NBAS: variants seen among roughly 807,000 people sequenced by gnomAD.
NBAS encodes NBAS subunit of NRZ tethering complex.
A neutral mutation model predicts 302.5 loss-of-function variants in NBAS; 219 were observed. The ratio of observed to expected loss-of-function variants is 0.72; its 90% CI spans 0.65 to 0.81. The LOEUF is 0.81. Ranked by LOEUF, NBAS falls within the 30% of genes least tolerant of loss-of-function variation. NBAS has a pLI of 0.00. For synonymous variants in NBAS, 1,118 were observed against 1,021.6 expected, an observed-to-expected ratio of 1.09 and a Z score of -1.80; for missense variants, 2,932 against 2,841.6, an observed-to-expected ratio of 1.03 and a Z score of -0.72.
In NBAS at chr2:15,342,055, G is replaced by A. The variant is rs185904835; in HGVS notation, c.4179+9937C>T. Among the ~76,000 whole-genome samples the A allele has an allele frequency of 2.7e-3, 418 of 152,106 alleles. 1 individual carries two copies. The highest frequency in any genetic ancestry group is 9.3e-3 in the African/African-American group (385 of 41,504). On this transcript the variant is annotated intron_variant, in intron 35 of 51. Coordinates refer to ENST00000281513, the MANE Select transcript of NBAS (RefSeq NM_015909.4). ...TTCCAGTGATGTGCTGGTATCAACAGTAAACAAAACAAAGTGAGCATTTAC... is the reference window on the plus strand; with the variant it reads ...TTCCAGTGATGTGCTGGTATCAACAATAAACAAAACAAAGTGAGCATTTAC...
intron 14 of NBAS, among the ~76,000 whole-genome samples, chr2:15,474,549 T>TTCTTCTTCTTC (rs1558372889): frequency 1.4e-5 from 2 of 147,846 alleles, no homozygotes; most frequent in African/African-American, 5.0e-5. Context: ...AGCCTGTTTT[T>TTCTTCTTCTTC]TTCTTCTTCT....
At chr2:15,125,077 G>A in the NBAS span, among the ~76,000 whole-genome samples, 20,774 of 152,116 alleles carry the variant, frequency 0.14, 2,691 homozygotes, top group African/African-American at 0.33. Context: ...AAAGCTGCAG[G>A]CACTCAACTC....
the NBAS span, among the ~76,000 whole-genome samples, chr2:15,019,782 G>A: frequency 4.0e-5 from 6 of 150,426 alleles, no homozygotes; most frequent in African/African-American, 1.5e-4. Flanking sequence ...GAACTAGCAG[G>A]TTCTCCTTCC....
intron 44 of NBAS, among the ~76,000 whole-genome samples, chr2:15,272,683 C>T (rs1558492791): frequency 6.6e-6 from 1 of 152,136 alleles, no homozygotes; most frequent in East Asian, 1.9e-4. Context: ...CTCTTGAGAA[C>T]AGTTTACAAT....
At chr2:15,328,772 G>T (rs776860004) in intron 36 of NBAS, among the ~76,000 whole-genome samples, 1 of 152,148 alleles carries the variant, frequency 6.6e-6, no homozygotes, top group Non-Finnish European at 1.5e-5. Flanking sequence ...ATCATTTGAG[G>T]TTGTTAAATG....
intron 11 of NBAS, among the ~76,000 whole-genome samples, chr2:15,502,866 T>C (rs1351939815): frequency 2.0e-5 from 3 of 152,258 alleles, no homozygotes; most frequent in Admixed American, 2.0e-4. Flanking sequence ...TTTTTTACTT[T>C]ATAAACTTTG....
intron 16 of NBAS, among the ~76,000 whole-genome samples, chr2:15,471,609 T>C (rs1049859319): frequency 8.5e-5 from 13 of 152,166 alleles, no homozygotes; most frequent in Non-Finnish European, 1.5e-4. Flanking sequence ...GGTTAAAACA[T>C]ATAGGCTTGC....
At chr2:15,539,099 A>T in intron 7 of NBAS, 124 bp downstream of exon 7, 1 of 1,323,266 alleles carries the variant, frequency 7.6e-7, no homozygotes, top group Non-Finnish European at 1.1e-6. Context: ...TGGGCGTCTT[A>T]AGTCCACAGC....
the NBAS span, among the ~76,000 whole-genome samples, chr2:14,801,322 G>A: frequency 6.6e-6 from 1 of 151,850 alleles, no homozygotes; most frequent in Non-Finnish European, 1.5e-5. Flanking sequence ...TTATTAGGTT[G>A]CTTGAAATTG....
At chr2:15,401,597 A>G (rs940089387) in intron 26 of NBAS, among the ~76,000 whole-genome samples, 1 of 152,162 alleles carries the variant, frequency 6.6e-6, no homozygotes, top group Non-Finnish European at 1.5e-5. Flanking sequence ...GAAATTTATC[A>G]TATGTGCTAA....
rs1664482853 is a variant in NBAS, at chr2:15,553,559, TA to T, written c.288-87del. The T allele has an allele frequency of 7.0e-5, 87 of 1,242,152 alleles. 4 individuals carry two copies. In the South Asian group the frequency reaches 9.9e-4, roughly 14 times the overall value. The allele number at this position is 1,242,152 out of a possible 1,614,324, so 76.9% of individuals were successfully genotyped here. A position where few individuals can be genotyped will look rare whatever the true frequency, so the allele number is the denominator to read the frequency against. ...GCACAGATGGAATTATTTAATAAGTTAAAAATCATTTTTAAATTTGTTCACA... is the reference window on the plus strand; with the variant it reads ...GCACAGATGGAATTATTTAATAAGTTAAAATCATTTTTAAATTTGTTCACA... On this transcript the variant is annotated intron_variant, in intron 4 of 51. Transcript: ENST00000281513.
At chr2:15,535,593 A>G (rs1335817301) in intron 8 of NBAS, among the ~76,000 whole-genome samples, 1 of 151,870 alleles carries the variant, frequency 6.6e-6, no homozygotes, top group African/African-American at 2.4e-5. Flanking sequence ...AAAATGGCAT[A>G]GTATTTTCAT....
At chr2:15,486,271 T>C (rs1680624947) in intron 12 of NBAS, among the ~76,000 whole-genome samples, 1 of 152,228 alleles carries the variant, frequency 6.6e-6, no homozygotes, top group African/African-American at 2.4e-5. Flanking sequence ...TTTTCCAGTT[T>C]ACTCAGGCAT....
intron 30 of NBAS, among the ~76,000 whole-genome samples, chr2:15,377,063 A>T (rs1674778295): frequency 6.6e-6 from 1 of 152,334 alleles, no homozygotes; most frequent in Admixed American, 6.5e-5. Context: ...GAAATTGTAA[A>T]AGAACCACAA....
At chr2:15,486,576 T>C (rs1418282096) in intron 12 of NBAS, among the ~76,000 whole-genome samples, 1 of 152,212 alleles carries the variant, frequency 6.6e-6, no homozygotes, top group Non-Finnish European at 1.5e-5. Flanking sequence ...GCATGACAAC[T>C]TCTAGCCTGA....
At chr2:15,360,275 G>T (rs571245144) in intron 32 of NBAS, among the ~76,000 whole-genome samples, 11 of 141,346 alleles carry the variant, frequency 7.8e-5, no homozygotes, top group African/African-American at 2.8e-4. Context: ...ATGAAATTTA[G>T]TAAAAAAATA....
the NBAS span, among the ~76,000 whole-genome samples, chr2:14,872,114 T>C: frequency 1.3e-5 from 2 of 152,178 alleles, no homozygotes. Flanking sequence ...AGTGACTATA[T>C]TAACATCAGA....
the NBAS span, among the ~76,000 whole-genome samples, chr2:14,872,207 T>G: frequency 2.0e-5 from 3 of 152,210 alleles, no homozygotes; most frequent in African/African-American, 7.2e-5. Flanking sequence ...TAAATATTTA[T>G]GTATAACAAT....
intron 22 of NBAS, among the ~76,000 whole-genome samples, chr2:15,425,358 C>A (rs1465209780): frequency 6.6e-6 from 1 of 152,170 alleles, no homozygotes; most frequent in Admixed American, 6.5e-5. Context: ...GTGAAACCTG[C>A]AAATTCCTTA....
Sources: allele counts gnomAD v4.1 joint callset (sites outside exome capture counted in the v4.1 genomes callset), GRCh38; gene constraint gnomAD v4.1.1; transcripts MANE v1.5; gene names NCBI Gene and HGNC (gene_info 2026-07-23, HGNC 2026-07-21).